Variants in MED12L observed in about 807,000 individuals in gnomAD.
MED12L encodes the protein mediator of RNA polymerase II transcription subunit 12-like protein.
In MED12L, 60 loss-of-function variants were observed where a neutral mutation model predicts 281.3. That is an observed-to-expected ratio of 0.21 (90% CI 0.17 to 0.26). The LOEUF is 0.26. MED12L is among the 10% of genes least tolerant of loss of function. MED12L has a pLI of 1.00. For synonymous variants in MED12L, 974 were observed against 987.2 expected, an observed-to-expected ratio of 0.99 and a Z score of 0.25; for missense variants, 2,146 against 2,680.9, an observed-to-expected ratio of 0.80 and a Z score of 4.41.
intron 41 of MED12L, 28 bp from the exon 42 acceptor site, chr3:151,413,111 T>C: frequency 1.9e-6 from 3 of 1,599,892 alleles, no homozygotes; most frequent in Non-Finnish European, 1.7e-6. Context: ...TGCTTGGGCC[T>C]GAACCAAGTT....
At position 151,330,954 on chromosome 3, in the gene MED12L, A is replaced by G. The variant is rs73869200; in HGVS notation, c.2251-19105A>G. ...TACAAAATTAATTGTAAATTTTCCTATAGCCCCAAATCCATAATCTAAAGG... is the reference window on the plus strand; with the variant it reads ...TACAAAATTAATTGTAAATTTTCCTGTAGCCCCAAATCCATAATCTAAAGG... On this transcript the variant is annotated intron_variant, in intron 16 of 44. Coordinates refer to ENST00000687756, the MANE Select transcript of MED12L (RefSeq NM_001393769.1). 8.1e-3 allele frequency among the ~76,000 whole-genome samples: 1,239 copies of G among 152,338 alleles called. 18 individuals carry two copies. Among genetic ancestry groups the G allele is most frequent in the African/African-American group, 0.028 (1,164 of 41,578 alleles).
intron 14 of MED12L, among the ~76,000 whole-genome samples, chr3:151,192,223 T>TA (rs1724087636): frequency 1.3e-5 from 2 of 152,228 alleles, no homozygotes; most frequent in African/African-American, 4.8e-5. Context: ...GATATAGTCT[T>TA]ATATTTTTCT....
intron 5 of MED12L, among the ~76,000 whole-genome samples, chr3:151,148,569 C>A (rs1718040073): frequency 1.3e-5 from 2 of 152,132 alleles, no homozygotes; most frequent in African/African-American, 4.8e-5. Flanking sequence ...GTCATATAGC[C>A]TAAAGAAGGA....
At chr3:151,209,755 G>A (rs778326170) in intron 16 of MED12L, among the ~76,000 whole-genome samples, 11 of 152,082 alleles carry the variant, frequency 7.2e-5, no homozygotes, top group Admixed American at 1.3e-4. Context: ...AGGATAGAGC[G>A]CAGAACTAAT....
intron 16 of MED12L, chr3:151,329,519 C>A: frequency 1.9e-6 from 3 of 1,547,278 alleles, no homozygotes; most frequent in Middle Eastern, 1.7e-4. Flanking sequence ...CTTCTTATGG[C>A]GGCAGTCATT....
rs907735941 is a variant in MED12L, at chr3:151,366,113, T to C, written c.3327+122T>C. 7 of 873,542 alleles carry C rather than the reference T, an allele frequency of 8.0e-6. No homozygotes were observed. In the African/African-American group the frequency reaches 1.2e-4, roughly 15 times the overall value. 54.1% of individuals were successfully genotyped at this position (873,542 alleles called of 1,614,324 possible). A position where few individuals can be genotyped will look rare whatever the true frequency, so the allele number is the denominator to read the frequency against. On this transcript the variant is annotated intron_variant, in intron 23 of 44. Transcript: ENST00000687756. ...CTGAAATGTTATAAAATATTTTTTC[T>C]TTCTCTGTCCAAAAGCAGTAAACCA... is the stretch of plus-strand genomic sequence containing the variant.
intron 16 of MED12L, among the ~76,000 whole-genome samples, chr3:151,221,221 G>T (rs1027072097): frequency 5.9e-5 from 9 of 152,152 alleles, no homozygotes; most frequent in African/African-American, 9.7e-5. Context: ...GAGGTGACTT[G>T]GGTGCTGTTA....
chr3:151,306,160 A>G (rs1458428325), intron 16 of MED12L, among the ~76,000 whole-genome samples: 3 of 152,220 alleles, frequency 2.0e-5, no homozygotes, highest in Non-Finnish European at 4.4e-5. Context: ...TACTTTGATT[A>G]TAAATGTATC....
At chr3:151,295,019 A>G (rs374664956) in intron 16 of MED12L, 13 of 1,613,570 alleles carry the variant, frequency 8.1e-6, no homozygotes, top group Non-Finnish European at 1.1e-5. Context: ...ATAGAATATG[A>G]AGCTGGTTTT....
intron 16 of MED12L, among the ~76,000 whole-genome samples, chr3:151,249,352 C>T (rs1273570332): frequency 6.6e-6 from 1 of 152,166 alleles, no homozygotes. Flanking sequence ...TGGTTTCAAA[C>T]TAATTCCTTG....
At chr3:151,307,423 A>G (rs889777232) in intron 16 of MED12L, among the ~76,000 whole-genome samples, 1 of 152,130 alleles carries the variant, frequency 6.6e-6, no homozygotes, top group Non-Finnish European at 1.5e-5. Flanking sequence ...CAGGTGCTAC[A>G]CTGATGTTCT....
chr3:151,190,315 G>A (rs1478271880), intron 13 of MED12L, among the ~76,000 whole-genome samples: 2 of 151,984 alleles, frequency 1.3e-5, no homozygotes, highest in Admixed American at 1.3e-4. Context: ...GGGCTTACAG[G>A]CACCCACCAC....
intron 8 of MED12L, among the ~76,000 whole-genome samples, chr3:151,161,161 T>G (rs538366955): frequency 6.3e-4 from 96 of 152,124 alleles, no homozygotes; most frequent in Admixed American, 1.4e-3. Flanking sequence ...GAGGGAAGAT[T>G]GGTGGGAGTG....
At chr3:151,410,964 T>C (rs939946619) in intron 40 of MED12L, among the ~76,000 whole-genome samples, 2 of 152,218 alleles carry the variant, frequency 1.3e-5, no homozygotes, top group African/African-American at 4.8e-5. Context: ...TGCCTGATTG[T>C]TTCTATATAG....
chr3:151,387,979 C>G lies in MED12L; in HGVS notation c.5258C>G (p.Pro1753Arg). ...HLLLYHTHPMPKPRSYYLQPL... is the reference protein window; with the variant it reads ...HLLLYHTHPMRKPRSYYLQPL... ...CTGCTGTATCACACACACCCCATGC[C>G]CAAGCCCCGCAGTTACTACCTCCAG... The change falls in exon 37 of 45, where the codon CCC (proline) becomes CGC (arginine). Residue 1753 changes from proline to arginine, a missense_variant. Physicochemically the swap from Pro to Arg is moderately radical, Grantham distance 103. This residue lies in a region of MED12L where 496 missense variants were observed against 512.0 expected (regional missense o/e 0.97). Coordinates refer to ENST00000687756, the MANE Select transcript of MED12L (RefSeq NM_001393769.1). 6.2e-7 allele frequency: 1 copy of G among 1,614,070 alleles called. No homozygotes were observed. Among genetic ancestry groups the G allele is most frequent in the East Asian group, 2.2e-5 (1 of 44,862 alleles).
chr3:151,155,501 G>A (rs1560101626), intron 5 of MED12L, among the ~76,000 whole-genome samples: 1 of 152,206 alleles, frequency 6.6e-6, no homozygotes, highest in East Asian at 1.9e-4. Context: ...TGTTGGTTGA[G>A]GAGAGTAGAA....
intron 16 of MED12L, among the ~76,000 whole-genome samples, chr3:151,244,795 CA>C (rs1040795520): frequency 6.6e-6 from 1 of 151,942 alleles, no homozygotes. Flanking sequence ...AATAGAGTCA[CA>C]AAAAACCCTT....
Position 151,116,442 on chromosome 3 carries a change from G to T in MED12L, c.204G>T (p.Lys68Asn). 1 of 1,597,334 alleles carries T rather than the reference G, an allele frequency of 6.3e-7. No homozygotes were observed. Among genetic ancestry groups the T allele is most frequent in the Admixed American group, 1.7e-5 (1 of 59,636 alleles). ...SARNIVINPSKIGAYFSSILA... is the reference protein window; with the variant it reads ...SARNIVINPSNIGAYFSSILA... ...GAAATATTGTAATTAACCCATCAAA[G>T]GTAATGTTATTTGTTTGTTTCCTCA... The change falls in exon 3 of 45, where the codon AAG (lysine) becomes AAT (asparagine). Residue 68 changes from lysine (K) to asparagine (N), a missense_variant and splice_region_variant. Physicochemically the swap from Lys to Asn is moderately conservative, Grantham distance 94. This residue lies in a region of MED12L where 722 missense variants were observed against 861.2 expected (regional missense o/e 0.84). Transcript: ENST00000687756.
intron 11 of MED12L, among the ~76,000 whole-genome samples, chr3:151,179,578 G>T (rs1190301939): frequency 2.0e-5 from 3 of 152,198 alleles, no homozygotes; most frequent in Non-Finnish European, 2.9e-5. Flanking sequence ...CCCCAAGAAG[G>T]GGAAGGAGCA....
Sources: gnomAD v4.1 joint callset for allele counts (sites outside exome capture counted in the v4.1 genomes callset) on GRCh38, gnomAD v4.1.1 for gene constraint, gnomAD v4.1.1 regional missense constraint, MANE v1.5 for transcripts, NCBI Gene and HGNC (gene_info 2026-07-23, HGNC 2026-07-21) for gene names.